CFAP54: variants seen among roughly 807,000 people sequenced by gnomAD.
CFAP54 encodes cilia- and flagella-associated protein 54.
In CFAP54, 290 loss-of-function variants were observed where a neutral mutation model predicts 370.4. The ratio of observed to expected loss-of-function variants is 0.78; its 90% confidence interval spans 0.71 to 0.86. CFAP54 has a LOEUF of 0.86. Ranked by LOEUF, CFAP54 falls within the 40% of genes least tolerant of loss-of-function variation. CFAP54 has a pLI of 0.00. For missense variants in CFAP54, 3,399 were observed against 3,528.7 expected, an observed-to-expected ratio of 0.96 and a Z score of 0.93; for synonymous variants, 1,206 against 1,236.5, an observed-to-expected ratio of 0.98 and a Z score of 0.52.
At chr12:96,854,109 C>T (rs1424706669) in intron 66 of CFAP54, among the ~76,000 whole-genome samples, 1 of 151,898 alleles carries the variant, frequency 6.6e-6, no homozygotes, top group African/African-American at 2.4e-5. Flanking sequence ...ATTATTATTT[C>T]TTTGTTTCCT....
At chr12:96,806,010 A>G (rs1958873343) in intron 63 of CFAP54, among the ~76,000 whole-genome samples, 1 of 150,848 alleles carries the variant, frequency 6.6e-6, no homozygotes, top group Non-Finnish European at 1.5e-5. Flanking sequence ...ATGAATAAAC[A>G]TGGACATGCA....
At chr12:96,497,822 A>C (rs1036506759) in intron 1 of CFAP54, among the ~76,000 whole-genome samples, 3 of 152,222 alleles carry the variant, frequency 2.0e-5, no homozygotes, top group African/African-American at 7.2e-5. Context: ...ATGTAGACCT[A>C]ACTTAGCTTG....
intron 45 of CFAP54, among the ~76,000 whole-genome samples, chr12:96,696,485 CT>C (rs573734056): frequency 3.6e-4 from 54 of 151,262 alleles, no homozygotes; most frequent in African/African-American, 9.4e-4. Flanking sequence ...GGCTAGATGA[CT>C]TTTTTTTTAA....
At chr12:96,804,125 C>T (rs1279454014) in intron 63 of CFAP54, among the ~76,000 whole-genome samples, 1 of 151,910 alleles carries the variant, frequency 6.6e-6, no homozygotes, top group African/African-American at 2.4e-5. Flanking sequence ...CACACTAGAG[C>T]AAGCAGAAGA....
intron 62 of CFAP54, among the ~76,000 whole-genome samples, chr12:96,791,352 C>T (rs1958691550): frequency 6.6e-6 from 1 of 152,072 alleles, no homozygotes; most frequent in Non-Finnish European, 1.5e-5. Flanking sequence ...TGATCATTAG[C>T]AACCATGCTT....
intron 17 of CFAP54, among the ~76,000 whole-genome samples, chr12:96,562,649 C>T (rs1417084732): frequency 4.0e-5 from 6 of 151,652 alleles, no homozygotes; most frequent in African/African-American, 9.7e-5. Flanking sequence ...AGGCTGGTCT[C>T]GGAACTCCTG....
At chr12:96,841,802 G>T (rs985346803) in intron 66 of CFAP54, among the ~76,000 whole-genome samples, 1 of 152,208 alleles carries the variant, frequency 6.6e-6, no homozygotes, top group African/African-American at 2.4e-5. Flanking sequence ...AATGTATCTT[G>T]GTTGACAAAA....
intron 60 of CFAP54, among the ~76,000 whole-genome samples, chr12:96,766,075 A>G (rs1958399274): frequency 6.6e-6 from 1 of 152,068 alleles, no homozygotes; most frequent in Non-Finnish European, 1.5e-5. Flanking sequence ...GAAGAGTTTT[A>G]ACCTTCTCCT....
intron 40 of CFAP54, among the ~76,000 whole-genome samples, chr12:96,681,574 CTT>C (rs1334947155): frequency 1.4e-5 from 2 of 147,366 alleles, no homozygotes; most frequent in African/African-American, 2.5e-5. Flanking sequence ...CTCTGTAGTG[CTT>C]TTTTTTTTGG....
intron 36 of CFAP54, among the ~76,000 whole-genome samples, chr12:96,655,947 T>C (rs1290383439): frequency 6.6e-6 from 1 of 152,150 alleles, no homozygotes; most frequent in Non-Finnish European, 1.5e-5. Flanking sequence ...AGATAAATAC[T>C]AAAATATTCA....
At position 96,708,799 on chromosome 12, in the gene CFAP54, G is replaced by A; in HGVS notation, c.6720G>A (p.Leu2240=). 2 of 1,590,826 alleles carry A rather than the reference G, an allele frequency of 1.3e-6. No individual in the cohort carries two copies. Among genetic ancestry groups the A allele is most frequent in the Admixed American group, 3.6e-5 (2 of 55,588 alleles). ...TNKSKPNLPN[L]EEIYSKDDGS... ...AGAGCAAACCAAACCTACCAAACTT[G>A]GAAGGTAATTGTTTTATTTTTTGCT... The change falls in exon 48 of 68, where the codon TTG becomes TTA. Residue 2240 remains leucine (L), a synonymous_variant. Transcript: ENST00000524981.
chr12:96,870,816 A>G (rs1665517868), intron 67 of CFAP54, among the ~76,000 whole-genome samples: 1 of 152,212 alleles, frequency 6.6e-6, no homozygotes, highest in Non-Finnish European at 1.5e-5. Context: ...ATAAAATCAG[A>G]ATTAAAATGA....
intron 66 of CFAP54, among the ~76,000 whole-genome samples, chr12:96,837,111 T>C (rs1485653416): frequency 6.6e-6 from 1 of 152,220 alleles, no homozygotes; most frequent in African/African-American, 2.4e-5. Flanking sequence ...TATGAGCCAC[T>C]GTGCCAGCCC....
chr12:96,664,223 A>C (rs1471670710), intron 39 of CFAP54, among the ~76,000 whole-genome samples: 1 of 152,002 alleles, frequency 6.6e-6, no homozygotes, highest in African/African-American at 2.4e-5. Context: ...TTTACAGATT[A>C]TTTTATCACC....
chr12:96,803,050 G>A (rs1304659222), intron 63 of CFAP54, among the ~76,000 whole-genome samples: 2 of 152,108 alleles, frequency 1.3e-5, no homozygotes, highest in Admixed American at 6.5e-5. Flanking sequence ...GTGTATATGT[G>A]CCACATTTTC....
chr12:96,616,149 G>T (rs548889108), intron 26 of CFAP54, among the ~76,000 whole-genome samples: 82 of 152,342 alleles, frequency 5.4e-4, no homozygotes, highest in Non-Finnish European at 1.1e-3. Context: ...TTAAGAAAAT[G>T]TGGCACATAT....
chr12:96,647,829 A>G (rs921959539), intron 33 of CFAP54, 46 bp from the exon 34 acceptor site: 1 of 1,429,280 alleles, frequency 7.0e-7, no homozygotes, highest in Non-Finnish European at 9.2e-7. Context: ...GATTTAATTC[A>G]ATTTTGCTTA....
At chr12:96,668,131 A>G (rs1333549598) in intron 39 of CFAP54, among the ~76,000 whole-genome samples, 1 of 152,202 alleles carries the variant, frequency 6.6e-6, no homozygotes, top group Non-Finnish European at 1.5e-5. Flanking sequence ...ACTTTCCCAC[A>G]TCTTCATTTC....
At chr12:96,580,380 A>G (rs570378367) in intron 20 of CFAP54, among the ~76,000 whole-genome samples, 79 of 152,274 alleles carry the variant, frequency 5.2e-4, no homozygotes, top group African/African-American at 1.8e-3. Flanking sequence ...AATGGTGGTT[A>G]AAATAATTAA....
Sources: allele counts gnomAD v4.1 joint callset (sites outside exome capture counted in the v4.1 genomes callset), GRCh38; gene constraint gnomAD v4.1.1; transcripts MANE v1.5; gene names NCBI Gene and HGNC (gene_info 2026-07-23, HGNC 2026-07-21).